Variants in SLIT3 observed in about 807,000 individuals in gnomAD.
SLIT3 encodes slit guidance ligand 3.
Under a neutral mutation model 184.0 loss-of-function variants are expected in SLIT3, and 68 were observed. The observed-to-expected ratio is 0.37, with a 90% CI of 0.30 to 0.45. SLIT3 has a LOEUF of 0.45. Ranked by LOEUF, SLIT3 falls within the 20% of genes least tolerant of loss-of-function variation. The pLI is 1.00. For missense variants in SLIT3, 1,707 were observed against 2,026.0 expected (o/e 0.84, Z 3.02); for synonymous variants, 831 against 828.6 (o/e 1.00, Z -0.05).
intron 10 of SLIT3, 117 bp from the exon 11 acceptor site, chr5:168,789,748 A>G: frequency 1.3e-6 from 1 of 768,212 alleles, no homozygotes; most frequent in South Asian, 1.7e-5. Flanking sequence ...TCAATCAATC[A>G]AGCAATTCAT....
At chr5:168,739,252 C>T (rs1035069282) in intron 20 of SLIT3, among the ~76,000 whole-genome samples, 1 of 152,044 alleles carries the variant, frequency 6.6e-6, no homozygotes, top group African/African-American at 2.4e-5. Flanking sequence ...TAAGACAGAT[C>T]GGTAGAGTTA....
chr5:168,729,878 T>C (rs1763242981), intron 20 of SLIT3, among the ~76,000 whole-genome samples: 1 of 152,112 alleles, frequency 6.6e-6, no homozygotes, highest in Admixed American at 6.5e-5. Context: ...ATATCAATAC[T>C]AACCCTGAAT....
chr5:169,101,455 G>A (rs915463629), intron 4 of SLIT3, among the ~76,000 whole-genome samples: 1 of 152,180 alleles, frequency 6.6e-6, no homozygotes, highest in Non-Finnish European at 1.5e-5. Context: ...CTAACAGTGT[G>A]ATAGGAATCT....
At chr5:168,803,889 G>A (rs1756857544) in intron 9 of SLIT3, among the ~76,000 whole-genome samples, 1 of 152,040 alleles carries the variant, frequency 6.6e-6, no homozygotes, top group African/African-American at 2.4e-5. Context: ...GCTGGATGTT[G>A]AGGGAAGGGA....
intron 4 of SLIT3, among the ~76,000 whole-genome samples, chr5:169,160,115 G>T (rs1414625141): frequency 3.3e-5 from 5 of 152,204 alleles, no homozygotes; most frequent in Non-Finnish European, 7.3e-5. Context: ...TTACTAAGGG[G>T]TTTTATGTTC....
At chr5:168,930,791 C>G (rs1761964619) in intron 4 of SLIT3, among the ~76,000 whole-genome samples, 1 of 152,008 alleles carries the variant, frequency 6.6e-6, no homozygotes, top group South Asian at 2.1e-4. Flanking sequence ...TGGAAACTCT[C>G]AAACCAGCAG....
chr5:169,072,112 T>G (rs1192135840), intron 4 of SLIT3, among the ~76,000 whole-genome samples: 1 of 152,148 alleles, frequency 6.6e-6, no homozygotes, highest in Non-Finnish European at 1.5e-5. Context: ...GGTCCCCACA[T>G]GCAAGTATTG....
intron 1 of SLIT3, among the ~76,000 whole-genome samples, chr5:169,296,889 C>A (rs564842791): frequency 4.8e-4 from 73 of 152,374 alleles, no homozygotes; most frequent in African/African-American, 1.7e-3. Flanking sequence ...GTTCAGGCCA[C>A]CCCTCACTGC....
At chr5:168,987,323 A>G (rs1755163542) in intron 4 of SLIT3, among the ~76,000 whole-genome samples, 1 of 151,946 alleles carries the variant, frequency 6.6e-6, no homozygotes, top group Non-Finnish European at 1.5e-5. Context: ...ACAATGACCT[A>G]TTTCTCCCAC....
chr5:168,926,696 TTGGATAGACTTTTCTACGAAGAAG>T (rs1761836215), intron 4 of SLIT3, among the ~76,000 whole-genome samples: 1 of 80,646 alleles, frequency 1.2e-5, no homozygotes, highest in Non-Finnish European at 2.5e-5. Context: ...GGTAAAGGAC[TTGGATAGACTTTTCTACGAAGAAG>T]ACTTGGATAG....
chr5:168,683,835 G>T, intron 32 of SLIT3, 131 bp downstream of exon 32: 1 of 794,034 alleles, frequency 1.3e-6, no homozygotes, highest in Non-Finnish European at 1.8e-6. Context: ...GTGTGTGTGC[G>T]CACATGTGCG....
intron 4 of SLIT3, among the ~76,000 whole-genome samples, chr5:169,089,790 T>C (rs996829615): frequency 7.2e-5 from 11 of 152,202 alleles, no homozygotes; most frequent in African/African-American, 2.7e-4. Flanking sequence ...TTTGTAACCA[T>C]AGATTAACTT....
intron 4 of SLIT3, among the ~76,000 whole-genome samples, chr5:169,087,307 C>G (rs1759346321): frequency 6.6e-6 from 1 of 152,146 alleles, no homozygotes. Context: ...AGATTTTCAA[C>G]TATATTTTGC....
At chr5:168,714,456 G>A (rs556184108) in intron 23 of SLIT3, among the ~76,000 whole-genome samples, 92 of 152,202 alleles carry the variant, frequency 6.0e-4, no homozygotes, top group African/African-American at 1.9e-3. Flanking sequence ...GGTGGTGGGC[G>A]CCTGTAATCC....
chr5:168,994,336 TAC>T (rs1310670227), intron 4 of SLIT3: 3 of 152,188 alleles, frequency 2.0e-5, no homozygotes, highest in Non-Finnish European at 4.4e-5. Context: ...TCTGGAATCC[TAC>T]AGAAAACCAG....
chr5:168,895,472 TG>T lies in SLIT3; in HGVS notation c.414-12137del, dbSNP rs1192688465. On this transcript the variant is annotated intron_variant, in intron 4 of 35. Coordinates refer to ENST00000519560, the MANE Select transcript of SLIT3 (RefSeq NM_003062.4). The stretch of plus-strand genomic sequence containing the variant: ...CAATGGTAGAGGTGAGATGCTATCC[TG>T]GGGCCATCTGCTGATAAAATCAGTA... Among the ~76,000 whole-genome samples, 5 of 152,200 alleles carry T rather than the reference TG, an allele frequency of 3.3e-5. No individual in the cohort carries two copies. In the East Asian group the frequency reaches 9.6e-4, roughly 29 times the overall value.
At chr5:169,273,750 C>G (rs1333854185) in intron 1 of SLIT3, among the ~76,000 whole-genome samples, 2 of 152,096 alleles carry the variant, frequency 1.3e-5, no homozygotes, top group African/African-American at 4.8e-5. Flanking sequence ...ACCTTCAGGA[C>G]TTTGGCCACA....
chr5:168,910,483 C>A (rs1187197390), intron 4 of SLIT3, among the ~76,000 whole-genome samples: 1 of 152,160 alleles, frequency 6.6e-6, no homozygotes, highest in African/African-American at 2.4e-5. Context: ...GTGGCTCACG[C>A]CTGTAATCTC....
intron 3 of SLIT3, among the ~76,000 whole-genome samples, chr5:169,223,700 A>G (rs1764693707): frequency 1.3e-5 from 2 of 152,238 alleles, no homozygotes; most frequent in Admixed American, 6.5e-5. Flanking sequence ...TGGAGATAAA[A>G]AAGATTTTGA....
Sources: allele counts gnomAD v4.1 joint callset (sites outside exome capture counted in the v4.1 genomes callset), GRCh38; gene constraint gnomAD v4.1.1; transcripts MANE v1.5; gene names NCBI Gene and HGNC (gene_info 2026-07-23, HGNC 2026-07-21).